Variants in TMEM165 observed in about 807,000 individuals in gnomAD.
The protein encoded by TMEM165 is putative divalent cation/proton antiporter TMEM165.
TMEM165 carries 19 observed loss-of-function variants against 30.0 expected under a neutral mutation model. The ratio of observed to expected loss-of-function variants is 0.63; its 90% CI spans 0.44 to 0.93. TMEM165 has a LOEUF of 0.93. Ranked by LOEUF, TMEM165 falls within the 40% of genes least tolerant of loss-of-function variation. TMEM165 has a pLI of 0.00. For missense variants in TMEM165, 340 were observed against 417.0 expected, an observed-to-expected ratio of 0.82 and a Z score of 1.61; for synonymous variants, 168 against 162.9, an observed-to-expected ratio of 1.03 and a Z score of -0.24.
At chr4:55,404,536 C>T (rs138345057) in intron 1 of TMEM165, among the ~76,000 whole-genome samples, 46 of 152,082 alleles carry the variant, frequency 3.0e-4, no homozygotes, top group African/African-American at 1.0e-3. Context: ...AGTGATCCTC[C>T]CACCTCAGCC....
chr4:55,401,720 C>T (rs191147135), intron 1 of TMEM165, among the ~76,000 whole-genome samples: 1 of 150,540 alleles, frequency 6.6e-6, no homozygotes, highest in African/African-American at 2.5e-5. Flanking sequence ...TTGAGGCAAT[C>T]AGTTATAAGG....
chr4:55,427,238 A>G (rs767732082), downstream of TMEM165, among the ~76,000 whole-genome samples: 4 of 150,758 alleles, frequency 2.7e-5, no homozygotes, highest in South Asian at 2.1e-4. Context: ...GAGTTTCGCC[A>G]TGCTGGCCAG....
intron 1 of TMEM165, chr4:55,398,927 T>C (rs1720842896): frequency 1.3e-5 from 2 of 152,084 alleles, no homozygotes; most frequent in African/African-American, 4.8e-5. Flanking sequence ...CCAACCTTTT[T>C]TTTTTAAGTT....
intron 1 of TMEM165, among the ~76,000 whole-genome samples, chr4:55,406,935 C>T (rs1721294626): frequency 1.3e-5 from 2 of 152,226 alleles, no homozygotes; most frequent in Admixed American, 1.3e-4. Context: ...GGATTACAGG[C>T]ATGAGCCACT....
chr4:55,413,046 C>T (rs1039039523), intron 2 of TMEM165, among the ~76,000 whole-genome samples: 1 of 151,792 alleles, frequency 6.6e-6, no homozygotes, highest in African/African-American at 2.4e-5. Context: ...GTGGCATGAT[C>T]ATAGCTCACT....
At chr4:55,436,691 CTCTT>C (rs1292440279) in intron 3 of TMEM165, among the ~76,000 whole-genome samples, 3 of 152,150 alleles carry the variant, frequency 2.0e-5, no homozygotes, top group Non-Finnish European at 2.9e-5. Flanking sequence ...TTTTCTTTCT[CTCTT>C]TGTTATTAGG....
At chr4:55,437,732 G>A (rs939275036) in intron 3 of TMEM165, among the ~76,000 whole-genome samples, 5 of 152,180 alleles carry the variant, frequency 3.3e-5, no homozygotes, top group African/African-American at 1.2e-4. Context: ...TGGTGCAGCA[G>A]TGACTCAACC....
At chr4:55,414,531 C>G (rs1236078112) in intron 2 of TMEM165, among the ~76,000 whole-genome samples, 1 of 151,974 alleles carries the variant, frequency 6.6e-6, no homozygotes, top group African/African-American at 2.4e-5. Flanking sequence ...TGATTTGTTG[C>G]ACTCATCAAC....
chr4:55,412,820 G>T (rs1721564125), intron 2 of TMEM165: 1 of 152,024 alleles, frequency 6.6e-6, no homozygotes, highest in Non-Finnish European at 1.5e-5. Flanking sequence ...CAAAGATATT[G>T]TAAATTTCTC....
intron 3 of TMEM165, chr4:55,449,330 A>G: frequency 7.2e-7 from 1 of 1,388,986 alleles, no homozygotes; most frequent in South Asian, 1.2e-5. Context: ...GAATTTCTGA[A>G]GATTTAGATC....
At chr4:55,416,241 A>C in intron 2 of TMEM165, 1 of 152,086 alleles carries the variant, frequency 6.6e-6, no homozygotes, top group East Asian at 1.9e-4. Flanking sequence ...GGGTGTCACT[A>C]TGTTTCCCAG....
chr4:55,403,773 C>T (rs994997636), intron 1 of TMEM165, among the ~76,000 whole-genome samples: 1 of 152,068 alleles, frequency 6.6e-6, no homozygotes, highest in Non-Finnish European at 1.5e-5. Context: ...TGTATGCATC[C>T]AAGTATATTC....
intron 3 of TMEM165, among the ~76,000 whole-genome samples, chr4:55,447,138 G>A (rs902457079): frequency 4.6e-5 from 7 of 151,786 alleles, no homozygotes; most frequent in Admixed American, 3.9e-4. Context: ...AGGCCGAGGT[G>A]GGCAGAATGC....
chr4:55,428,951 G>T (rs1454284405), downstream of TMEM165: 3 of 148,444 alleles, frequency 2.0e-5, no homozygotes, highest in Non-Finnish European at 3.0e-5. Flanking sequence ...GGTCTGAATG[G>T]TAACTGTTCT....
chr4:55,438,226 A>C, intron 3 of TMEM165: 1 of 1,576,940 alleles, frequency 6.3e-7, no homozygotes, highest in South Asian at 1.1e-5. Context: ...TTAATGCTTA[A>C]TTTCATTACA....
chr4:55,402,434 T>TACACACA (rs1224256602), intron 1 of TMEM165, among the ~76,000 whole-genome samples: 54 of 27,038 alleles, frequency 2.0e-3, no homozygotes, highest in Non-Finnish European at 3.2e-3. Context: ...TATATATATA[T>TACACACA]TTTTTTTTTT....
In TMEM165 at chr4:55,451,195, C is replaced by T. The variant is rs557507834; in HGVS notation, c.409-1044C>T. On this transcript the variant is annotated intron_variant, in intron 3 of 3. Coordinates refer to the TMEM165 transcript ENST00000608091. ...TTTAAACCAACTCTAATCATGCTTT[C>T]ACCCACACTGCTACTCCACAAAATC... Among the ~76,000 whole-genome samples the T allele has an allele frequency of 3.9e-5, 6 of 152,246 alleles. No homozygotes were observed. In the South Asian group the frequency reaches 1.2e-3, roughly 32 times the overall value.
chr4:55,421,509 G>C (rs1721975163), intron 4 of TMEM165, among the ~76,000 whole-genome samples: 1 of 151,914 alleles, frequency 6.6e-6, no homozygotes, highest in African/African-American at 2.4e-5. Context: ...TGTTGCAGAG[G>C]CTGGTCTCGA....
intron 1 of TMEM165, chr4:55,397,075 C>T (rs182521772): frequency 7.2e-5 from 11 of 152,276 alleles, no homozygotes; most frequent in Admixed American, 5.9e-4. Flanking sequence ...TAGAATTAGT[C>T]CTTAGTCACT....
Sources: allele counts gnomAD v4.1 joint callset (sites outside exome capture counted in the v4.1 genomes callset), GRCh38; gene constraint gnomAD v4.1.1; transcripts MANE v1.5; gene names NCBI Gene and HGNC (gene_info 2026-07-23, HGNC 2026-07-21).